The following CPNE8 variants were observed in gnomAD, a reference collection of about 807,000 sequenced individuals.
CPNE8 encodes the protein copine-8.
A neutral mutation model predicts 81.5 loss-of-function variants in CPNE8; 45 were observed. That is an observed-to-expected ratio of 0.55 (90% CI 0.44 to 0.71). The LOEUF is 0.71. CPNE8 is among the 30% of genes least tolerant of loss of function. CPNE8 has a pLI of 0.00. For synonymous variants in CPNE8, 252 were observed against 226.3 expected (o/e 1.11, Z -1.02); for missense variants, 594 against 672.1 (o/e 0.88, Z 1.28).
At chr12:38,662,960 CT>C (rs1938991941) in intron 19 of CPNE8, among the ~76,000 whole-genome samples, 1 of 151,988 alleles carries the variant, frequency 6.6e-6, no homozygotes, top group Non-Finnish European at 1.5e-5. Flanking sequence ...AAACTACACC[CT>C]TATCTATCAC....
chr12:38,831,207 A>G (rs1754582978), intron 5 of CPNE8, among the ~76,000 whole-genome samples: 3 of 152,228 alleles, frequency 2.0e-5, no homozygotes, highest in Non-Finnish European at 4.4e-5. Flanking sequence ...AGAAAAGAGA[A>G]GGACTCAAGT....
At chr12:38,827,690 G>C (rs1309702402) in intron 6 of CPNE8, among the ~76,000 whole-genome samples, 1 of 152,114 alleles carries the variant, frequency 6.6e-6, no homozygotes, top group Non-Finnish European at 1.5e-5. Context: ...GGAACTAGAG[G>C]CCATTATCCT....
chr12:38,736,013 A>G (rs940019425), intron 10 of CPNE8, among the ~76,000 whole-genome samples: 2 of 151,884 alleles, frequency 1.3e-5, no homozygotes, highest in African/African-American at 4.8e-5. Flanking sequence ...GTAGATTACA[A>G]TAGTACTCTG....
intron 1 of CPNE8, among the ~76,000 whole-genome samples, chr12:38,888,616 TC>T (rs1316697051): frequency 6.6e-6 from 1 of 152,150 alleles, no homozygotes; most frequent in Non-Finnish European, 1.5e-5. Context: ...GAAAATGACT[TC>T]CTAATATGTA....
chr12:38,759,935 C>A (rs1412867837), intron 10 of CPNE8, among the ~76,000 whole-genome samples: 1 of 152,128 alleles, frequency 6.6e-6, no homozygotes, highest in Non-Finnish European at 1.5e-5. Context: ...CCTGTATTCA[C>A]AGGAGTGTTC....
At chr12:38,905,946 G>A (rs1944565242), upstream of CPNE8, 8 of 985,386 alleles carry the variant, frequency 8.1e-6, no homozygotes, top group Non-Finnish European at 9.6e-6. Context: ...CCGGCTCTGC[G>A]TGCTTTTAGG....
At position 38,777,700 on chromosome 12, in the gene CPNE8, TAAC is replaced by T. The variant is rs140255488; in HGVS notation, c.408-1402_408-1400del. Among the ~76,000 whole-genome samples the T allele has an allele frequency of 2.0e-5, 3 of 152,280 alleles. No individual in the cohort carries two copies. The East Asian group carries it at 5.8e-4, about 29-fold the overall frequency. ...TGTTACAATTACCTGTTCAGTGAGG[TAAC>T]ATGCTGTACACATTTGTAGCCTAGG... On this transcript the variant is annotated intron_variant, in intron 6 of 19. Coordinates refer to ENST00000331366, the MANE Select transcript of CPNE8 (RefSeq NM_153634.3).
chr12:38,874,647 A>G, intron 1 of CPNE8, 136 bp from the exon 2 acceptor site: 1 of 506,486 alleles, frequency 2.0e-6, no homozygotes, highest in Non-Finnish European at 3.5e-6. Flanking sequence ...ATACATATAT[A>G]TGACTAAATA....
intron 6 of CPNE8, among the ~76,000 whole-genome samples, chr12:38,821,797 C>T (rs1167846392): frequency 6.6e-6 from 1 of 152,138 alleles, no homozygotes; most frequent in African/African-American, 2.4e-5. Context: ...AAGCAATTTA[C>T]CTCCCTGGAG....
intron 5 of CPNE8, among the ~76,000 whole-genome samples, chr12:38,838,137 C>T (rs2137038208): frequency 6.6e-6 from 1 of 152,232 alleles, no homozygotes; most frequent in South Asian, 2.1e-4. Context: ...TGGAAATGTC[C>T]TTACCTGCCA....
At chr12:38,897,864 T>C (rs1944410073) in intron 1 of CPNE8, among the ~76,000 whole-genome samples, 1 of 152,128 alleles carries the variant, frequency 6.6e-6, no homozygotes, top group African/African-American at 2.4e-5. Context: ...TATTAACTTA[T>C]TTAATCCTCA....
At chr12:38,838,750 T>C (rs146571628) in intron 5 of CPNE8, among the ~76,000 whole-genome samples, 73 of 152,268 alleles carry the variant, frequency 4.8e-4, no homozygotes, top group African/African-American at 1.3e-3. Context: ...TCCTGAATAC[T>C]TCTTCACATG....
intron 6 of CPNE8, among the ~76,000 whole-genome samples, chr12:38,799,695 A>G (rs930120558): frequency 4.6e-5 from 7 of 151,854 alleles, no homozygotes. Context: ...TACAGCTCCC[A>G]GCGTGAGCGA....
chr12:38,875,240 T>A (rs2137110780), intron 1 of CPNE8, among the ~76,000 whole-genome samples: 1 of 152,288 alleles, frequency 6.6e-6, no homozygotes, highest in East Asian at 1.9e-4. Flanking sequence ...TTTATGCTCA[T>A]AACAATAACC....
chr12:38,670,731 G>T lies in CPNE8; in HGVS notation c.1504C>A (p.Gln502Lys), dbSNP rs765796637. 4 of 1,600,990 alleles carry T rather than the reference G, an allele frequency of 2.5e-6. No homozygotes were observed. The South Asian group carries it at 4.4e-5, about 18-fold the overall frequency. The change falls in exon 19 of 20, where the codon CAG becomes AAG. Residue 502 changes from glutamine to lysine, a missense_variant and splice_region_variant. Physicochemically the swap from Gln to Lys is moderately conservative, Grantham distance 53. Transcript: ENST00000331366. ...GTAGGAAAAGGTTTATTTCTTACCT[G>T]CACAATGTCTCTTTCAGCATATTTT... is the stretch of plus-strand genomic sequence containing the variant. ...RGKYAERDIVQFVPFRDYIDR... is the reference protein window; with the variant it reads ...RGKYAERDIVKFVPFRDYIDR...
intron 6 of CPNE8, among the ~76,000 whole-genome samples, chr12:38,826,973 G>C (rs1041444258): frequency 1.4e-5 from 2 of 145,414 alleles, no homozygotes; most frequent in Admixed American, 7.0e-5. Flanking sequence ...TTCGAGACCA[G>C]CCTGACCAAC....
intron 13 of CPNE8, among the ~76,000 whole-genome samples, chr12:38,712,070 A>C (rs943181313): frequency 6.6e-6 from 1 of 152,172 alleles, no homozygotes; most frequent in African/African-American, 2.4e-5. Flanking sequence ...AAGCATTATA[A>C]AAAATTCTAG....
At chr12:38,792,011 TAA>T (rs567385045) in intron 6 of CPNE8, among the ~76,000 whole-genome samples, 2 of 139,984 alleles carry the variant, frequency 1.4e-5, no homozygotes, top group African/African-American at 5.2e-5. Flanking sequence ...TAGGAGAAAT[TAA>T]AAAAAAAAAA....
chr12:38,826,109 C>T (rs1198538499), intron 6 of CPNE8, among the ~76,000 whole-genome samples: 2 of 152,146 alleles, frequency 1.3e-5, no homozygotes, highest in African/African-American at 4.8e-5. Flanking sequence ...TTCTTACCCA[C>T]TTAGTACTAA....
Sources: allele counts gnomAD v4.1 joint callset (sites outside exome capture counted in the v4.1 genomes callset), GRCh38; gene constraint gnomAD v4.1.1; transcripts MANE v1.5; gene names NCBI Gene and HGNC (gene_info 2026-07-23, HGNC 2026-07-21).